The following CD28 variants were observed in gnomAD, a reference collection of about 807,000 sequenced individuals.
The protein encoded by CD28 is CD28 molecule.
Under a neutral mutation model 21.4 loss-of-function variants are expected in CD28, and 8 were observed. That is an observed-to-expected ratio of 0.37 (90% CI 0.22 to 0.68). The LOEUF is 0.68. Among genes scored for constraint, CD28 ranks in the 30% least tolerant of loss-of-function variants. The probability of loss-of-function intolerance (pLI) is 0.55; values close to 1 mark genes in which losing one functional copy is unlikely to be tolerated. For synonymous variants in CD28, 106 were observed against 104.0 expected (o/e 1.02, Z -0.12); for missense variants, 239 against 272.2 (o/e 0.88, Z 0.86).
intron 1 of CD28, among the ~76,000 whole-genome samples, chr2:203,719,045 C>T (rs975129095): frequency 6.6e-6 from 1 of 152,086 alleles, no homozygotes; most frequent in African/African-American, 2.4e-5. Context: ...TGTATATGTG[C>T]ATTAGAGGCA....
At chr2:203,714,161 G>A (rs1261542488) in intron 1 of CD28, among the ~76,000 whole-genome samples, 1 of 152,114 alleles carries the variant, frequency 6.6e-6, no homozygotes, top group African/African-American at 2.4e-5. Flanking sequence ...TGAACCTGAG[G>A]TTAAAAACAA....
chr2:203,726,731 T>C lies in CD28; in HGVS notation c.151T>C (p.Phe51Leu). 1 of 1,613,930 alleles carries C rather than the reference T, an allele frequency of 6.2e-7. No individual in the cohort carries two copies. Among genetic ancestry groups the C allele is most frequent in the Non-Finnish European group, 8.5e-7 (1 of 1,179,944 alleles). ...TTCCTACAATCTCTTCTCAAGGGAGTTCCGGGCATCCCTTCACAAAGGACT... is the reference window on the plus strand; with the variant it reads ...TTCCTACAATCTCTTCTCAAGGGAGCTCCGGGCATCCCTTCACAAAGGACT... ...KYSYNLFSRE[F>L]RASLHKGLDS... Residue 51 changes from phenylalanine to leucine, a missense_variant, in exon 2 of 4, where the codon TTC becomes CTC. Transcript: ENST00000324106.
intron 3 of CD28, among the ~76,000 whole-genome samples, chr2:203,734,283 T>A (rs1245272991): frequency 1.3e-5 from 2 of 152,252 alleles, no homozygotes; most frequent in African/African-American, 4.8e-5. Context: ...GACATAGGAA[T>A]GTACTAGTTG....
At position 203,728,951 on chromosome 2, in the gene CD28, G is replaced by A. The variant is rs530471087; in HGVS notation, c.410-697G>A. Among the ~76,000 whole-genome samples, 10 of 152,272 alleles carry A rather than the reference G, an allele frequency of 6.6e-5. No individual in the cohort carries two copies. In the South Asian group the frequency reaches 2.1e-3, roughly 32 times the overall value. On this transcript the variant is annotated intron_variant, in intron 2 of 3. Coordinates refer to ENST00000324106, the MANE Select transcript of CD28 (RefSeq NM_006139.4). ...CCAGCCCTGAGATTCTGATGTAATT[G>A]ATATGGGTTGAGGAAGGGGTGCTGG...
At chr2:203,729,081 CT>C (rs1693823520) in intron 2 of CD28, among the ~76,000 whole-genome samples, 1 of 152,190 alleles carries the variant, frequency 6.6e-6, no homozygotes, top group Non-Finnish European at 1.5e-5. Context: ...CTAATTTTCT[CT>C]AATTTTGAAT....
In CD28 at chr2:203,734,857, G is replaced by C. The variant is rs199549636; in HGVS notation, c.608G>C (p.Arg203Pro). The C allele has an allele frequency of 6.2e-7, 1 of 1,614,144 alleles. No individual in the cohort carries two copies. The highest frequency in any genetic ancestry group is 8.5e-7 in the Non-Finnish European group (1 of 1,180,026). Reference sequence around the variant, plus strand: ...ACTCCCCGCCGCCCCGGGCCCACCCGCAAGCATTACCAGCCCTATGCCCCA... The same window carrying C: ...ACTCCCCGCCGCCCCGGGCCCACCCCCAAGCATTACCAGCCCTATGCCCCA... ...NMTPRRPGPT[R>P]KHYQPYAPPR... Residue 203 changes from arginine (R) to proline (P), a missense_variant, in exon 4 of 4, where the codon CGC becomes CCC. Arg to Pro is a moderately radical substitution (Grantham distance 103, BLOSUM62 -2). Around this residue, in one of 3 missense-constraint regions of CD28, gnomAD observed 112 missense variants for 112.8 expected, o/e 0.99. Coordinates refer to ENST00000324106, the MANE Select transcript of CD28 (RefSeq NM_006139.4).
intron 1 of CD28, among the ~76,000 whole-genome samples, chr2:203,711,057 T>A (rs2106108498): frequency 6.6e-6 from 1 of 152,350 alleles, no homozygotes; most frequent in East Asian, 1.9e-4. Context: ...AAGATATCTG[T>A]GTCTCTTTTA....
intron 1 of CD28, among the ~76,000 whole-genome samples, chr2:203,709,602 T>C (rs551109624): frequency 1.1e-4 from 16 of 152,234 alleles, no homozygotes; most frequent in African/African-American, 3.9e-4. Context: ...ACTCGGATAA[T>C]TGTGCAACTG....
At chr2:203,707,714 T>G (rs1385983491) in intron 1 of CD28, among the ~76,000 whole-genome samples, 1 of 152,086 alleles carries the variant, frequency 6.6e-6, no homozygotes, top group African/African-American at 2.4e-5. Flanking sequence ...GTAGGCACAT[T>G]AAGGGATTTG....
At chr2:203,725,324 G>T (rs1239622184) in intron 1 of CD28, among the ~76,000 whole-genome samples, 1 of 151,556 alleles carries the variant, frequency 6.6e-6, no homozygotes, top group Non-Finnish European at 1.5e-5. Context: ...ATTTTGGAAG[G>T]TGTCTTGGTT....
At position 203,735,497 on chromosome 2, in the gene CD28, C is replaced by T. The variant is rs1694007623; in HGVS notation, c.*585C>T. On this transcript the variant is annotated 3_prime_UTR_variant, in exon 4 of 4. Transcript: ENST00000324106. ...TAGTTTAGAAATACATAGACATTGT[C>T]TTTTATGAATTCTGATCATATTTAG... 6.5e-6 allele frequency: 1 copy of T among 152,706 alleles called. No individual in the cohort carries two copies. 9.5% of individuals were successfully genotyped at this position (152,706 alleles called of 1,614,324 possible).
chr2:203,716,419 T>G (rs1204160641), intron 1 of CD28, among the ~76,000 whole-genome samples: 3 of 152,208 alleles, frequency 2.0e-5, no homozygotes, highest in African/African-American at 7.2e-5. Flanking sequence ...TCTCCTAGAA[T>G]GAAACAGCTC....
chr2:203,724,839 G>T (rs1693697711), intron 1 of CD28, among the ~76,000 whole-genome samples: 1 of 152,040 alleles, frequency 6.6e-6, no homozygotes. Context: ...ATTTTATTTG[G>T]CTCTTCAGTG....
intron 2 of CD28, among the ~76,000 whole-genome samples, chr2:203,729,083 A>C (rs199754920): frequency 1.3e-5 from 2 of 152,216 alleles, no homozygotes; most frequent in East Asian, 1.9e-4. Context: ...AATTTTCTCT[A>C]ATTTTGAATA....
rs17533727 is a variant in CD28, at chr2:203,738,206, G to C, written c.*3294G>C. ...AGCCTTGACCCCATCAGTCCCTCGG[G>C]TTAACTAACTGAGCCACCGGTCCTC... On this transcript the variant is annotated 3_prime_UTR_variant, in exon 4 of 4. Transcript: ENST00000324106. 19,377 of 152,090 alleles carry C rather than the reference G, an allele frequency of 0.13. 1,483 individuals carry two copies. Among genetic ancestry groups the C allele is most frequent in the Middle Eastern group, 0.19 (55 of 296 alleles). The allele number at this position is 152,090 out of a possible 1,614,324, so 9.4% of individuals were successfully genotyped here.
intron 1 of CD28, among the ~76,000 whole-genome samples, chr2:203,711,068 C>T (rs1246394651): frequency 6.6e-6 from 1 of 152,084 alleles, no homozygotes; most frequent in Non-Finnish European, 1.5e-5. Context: ...GTCTCTTTTA[C>T]GGTGATTTAT....
chr2:203,714,952 C>T (rs1186912286), intron 1 of CD28, among the ~76,000 whole-genome samples: 1 of 152,196 alleles, frequency 6.6e-6, no homozygotes, highest in African/African-American at 2.4e-5. Context: ...ATTATTTAAA[C>T]TTCTGGGCCA....
intron 1 of CD28, among the ~76,000 whole-genome samples, chr2:203,709,428 C>T (rs1298151731): frequency 6.6e-6 from 1 of 152,010 alleles, no homozygotes; most frequent in Non-Finnish European, 1.5e-5. Context: ...TATTTGTTTA[C>T]AGCATAGCTT....
intron 1 of CD28, among the ~76,000 whole-genome samples, chr2:203,720,421 T>A (rs921184811): frequency 1.3e-5 from 2 of 152,238 alleles, no homozygotes; most frequent in African/African-American, 4.8e-5. Flanking sequence ...AGGTTTGACC[T>A]AGGTAGACCT....
Sources: gnomAD v4.1 joint callset for allele counts (sites outside exome capture counted in the v4.1 genomes callset) on GRCh38, gnomAD v4.1.1 for gene constraint, gnomAD v4.1.1 regional missense constraint, MANE v1.5 for transcripts, NCBI Gene and HGNC (gene_info 2026-07-23, HGNC 2026-07-21) for gene names.